ZBBX: variants seen among roughly 807,000 people sequenced by gnomAD.
ZBBX encodes zinc finger B-box domain-containing protein 1.
Under a neutral mutation model 108.5 loss-of-function variants are expected in ZBBX, and 101 were observed. The ratio of observed to expected loss-of-function variants is 0.93; its 90% CI spans 0.79 to 1.10. The LOEUF (loss-of-function observed/expected upper bound fraction) is 1.10, where lower values mean the gene tolerates loss of function less well. ZBBX is among the 50% of genes least tolerant of loss of function. The pLI is 0.00. For synonymous variants in ZBBX, 356 were observed against 323.4 expected (o/e 1.10, Z -1.08); for missense variants, 1,009 against 941.4 (o/e 1.07, Z -0.94).
chr3:167,181,132 T>A, the ZBBX span, among the ~76,000 whole-genome samples: 3 of 152,176 alleles, frequency 2.0e-5, no homozygotes, highest in Non-Finnish European at 4.4e-5. Context: ...CCATCAAAAA[T>A]GATACCCTAA....
intron 9 of ZBBX, among the ~76,000 whole-genome samples, chr3:167,342,104 A>G (rs767345403): frequency 6.6e-6 from 1 of 151,860 alleles, no homozygotes; most frequent in Admixed American, 6.6e-5. Flanking sequence ...AACAAGTAGC[A>G]ATCAATAATT....
chr3:167,282,343 A>G lies in ZBBX; in HGVS notation c.2149T>C (p.Tyr717His). 6.2e-7 allele frequency: 1 copy of G among 1,614,116 alleles called. No individual in the cohort carries two copies. Among genetic ancestry groups the G allele is most frequent in the South Asian group, 1.1e-5 (1 of 91,086 alleles). The change falls in exon 20 of 22, where the codon TAT becomes CAT. Residue 717 changes from tyrosine to histidine, a missense_variant. Coordinates refer to ENST00000675490, the MANE Select transcript of ZBBX (RefSeq NM_001199201.2). ...RAASEISEIE[Y>H]IDITDQNELS... is the part of the protein sequence containing the mutation. ...TCATTCTGGTCAGTAATATCAATAT[A>G]TTCAATTTCTGAAATTTCAGAAGCA...
At chr3:167,348,936 G>C (rs1742176815) in intron 9 of ZBBX, among the ~76,000 whole-genome samples, 1 of 151,950 alleles carries the variant, frequency 6.6e-6, no homozygotes, top group Non-Finnish European at 1.5e-5. Context: ...ATGCCATGTT[G>C]CTTTCAGTAA....
In ZBBX at chr3:167,368,522, C is replaced by G. The variant is rs1414971759; in HGVS notation, c.121G>C (p.Glu41Gln). 6.2e-7 allele frequency: 1 copy of G among 1,612,336 alleles called. No homozygotes were observed. The highest frequency in any genetic ancestry group is 8.5e-7 in the Non-Finnish European group (1 of 1,178,996). Reference sequence around the variant, plus strand: ...AATTCTTGCAGTTTCTTCTCCATCTCTTGGTTCTCAAACTCTAACTGTACT... The same window carrying G: ...AATTCTTGCAGTTTCTTCTCCATCTGTTGGTTCTCAAACTCTAACTGTACT... ...EKVQLEFENQEMEKKLQEFRS... is the reference protein window; with the variant it reads ...EKVQLEFENQQMEKKLQEFRS... The change falls in exon 5 of 22, where the codon GAG becomes CAG. Residue 41 changes from glutamate to glutamine, a missense_variant. Physicochemically the swap from Glu to Gln is conservative, Grantham distance 29 (BLOSUM62 2). Transcript: ENST00000675490.
At chr3:167,351,646 A>T (rs1384758349) in intron 8 of ZBBX, among the ~76,000 whole-genome samples, 3 of 152,098 alleles carry the variant, frequency 2.0e-5, no homozygotes, top group Non-Finnish European at 4.4e-5. Flanking sequence ...TGGATATCAC[A>T]CAGAGGAATG....
chr3:167,387,475 T>G (rs1747952831), intron 1 of ZBBX, among the ~76,000 whole-genome samples: 1 of 152,060 alleles, frequency 6.6e-6, no homozygotes, highest in South Asian at 2.1e-4. Flanking sequence ...GCCTAGTCTG[T>G]TGCGTAGGAA....
At chr3:167,261,892 C>G (rs1724609605) in intron 20 of ZBBX, among the ~76,000 whole-genome samples, 1 of 151,932 alleles carries the variant, frequency 6.6e-6, no homozygotes, top group Non-Finnish European at 1.5e-5. Flanking sequence ...GCTTCCCACC[C>G]CAATCAAATG....
rs1729889474 is a variant in ZBBX, at chr3:167,287,346, T to C, written c.1996+1521A>G. ...TTAGCATAACACGGAGTTGTTGTTG[T>C]TCAGAAAATAAATGCAATTTCTTAG... is the stretch of plus-strand genomic sequence containing the variant. On this transcript the variant is annotated intron_variant, in intron 19 of 21. Coordinates refer to ENST00000675490, the MANE Select transcript of ZBBX (RefSeq NM_001199201.2). Among the ~76,000 whole-genome samples, 3 of 152,114 alleles carry C rather than the reference T, an allele frequency of 2.0e-5. No homozygotes were observed. The South Asian group carries it at 6.2e-4, about 31-fold the overall frequency.
At chr3:167,295,314 G>C (rs2108154437) in intron 18 of ZBBX, among the ~76,000 whole-genome samples, 1 of 152,202 alleles carries the variant, frequency 6.6e-6, no homozygotes. Flanking sequence ...TGATAGACTG[G>C]ATAAAGAAAG....
the ZBBX span, among the ~76,000 whole-genome samples, chr3:167,204,359 T>C: frequency 2.0e-5 from 3 of 149,664 alleles, no homozygotes; most frequent in South Asian, 2.1e-4. Flanking sequence ...TCATCTAGCA[T>C]TAGGTATATG....
chr3:167,307,220 G>A (rs866010025), intron 16 of ZBBX, among the ~76,000 whole-genome samples: 1 of 152,118 alleles, frequency 6.6e-6, no homozygotes, highest in African/African-American at 2.4e-5. Context: ...CACAAGACGA[G>A]GATGCCCTCT....
intron 19 of ZBBX, among the ~76,000 whole-genome samples, chr3:167,284,205 T>TATATATAA (rs1553796540): frequency 8.0e-5 from 12 of 150,392 alleles, no homozygotes; most frequent in Admixed American, 7.3e-4. Context: ...TATATATATA[T>TATATATAA]AATTATCCCT....
intron 10 of ZBBX, among the ~76,000 whole-genome samples, chr3:167,330,425 T>C (rs563647784): frequency 6.6e-6 from 1 of 152,144 alleles, no homozygotes. Context: ...GGAGCCTATA[T>C]GGGACATGAT....
intron 12 of ZBBX, among the ~76,000 whole-genome samples, chr3:167,318,284 G>A (rs1735807021): frequency 6.6e-6 from 1 of 151,964 alleles, no homozygotes; most frequent in South Asian, 2.1e-4. Context: ...AAGTCCCCAT[G>A]TAAAAGCCAG....
intron 6 of ZBBX, among the ~76,000 whole-genome samples, chr3:167,365,443 T>C (rs2108565391): frequency 6.6e-6 from 1 of 151,862 alleles, no homozygotes; most frequent in South Asian, 2.1e-4. Flanking sequence ...TGAGTATCTT[T>C]ACACATGGAA....
At chr3:167,279,130 C>T (rs1291050833) in intron 20 of ZBBX, among the ~76,000 whole-genome samples, 1 of 151,602 alleles carries the variant, frequency 6.6e-6, no homozygotes, top group Non-Finnish European at 1.5e-5. Flanking sequence ...TATGACAAAC[C>T]CACAGCCAAT....
At chr3:167,348,377 G>GAAAGAAAA (rs1174890401) in intron 9 of ZBBX, among the ~76,000 whole-genome samples, 31 of 97,726 alleles carry the variant, frequency 3.2e-4, no homozygotes, top group Non-Finnish European at 5.0e-4. Context: ...AGAAAAAAAA[G>GAAAGAAAA]AAAAGAAAAG....
chr3:167,388,592 A>T (rs1188563779), intron 1 of ZBBX, among the ~76,000 whole-genome samples: 1 of 152,060 alleles, frequency 6.6e-6, no homozygotes, highest in Non-Finnish European at 1.5e-5. Flanking sequence ...ACGATCCGAC[A>T]TAGCAATAGA....
chr3:167,238,222 T>C (rs1282124393), downstream of ZBBX, among the ~76,000 whole-genome samples: 1 of 152,028 alleles, frequency 6.6e-6, no homozygotes, highest in Non-Finnish European at 1.5e-5. Context: ...CAGGACAAGA[T>C]GCCAAAAGGG....
Sources: allele counts gnomAD v4.1 joint callset (sites outside exome capture counted in the v4.1 genomes callset), GRCh38; gene constraint gnomAD v4.1.1; transcripts MANE v1.5; gene names NCBI Gene and HGNC (gene_info 2026-07-23, HGNC 2026-07-21).